Variants in NUP210L observed in about 807,000 individuals in gnomAD.
NUP210L encodes the protein nucleoporin 210 like, also known as nuclear pore membrane glycoprotein 210-like.
Under a neutral mutation model 208.5 loss-of-function variants are expected in NUP210L, and 74 were observed. That is an observed-to-expected ratio of 0.35 (90% CI 0.29 to 0.43). The LOEUF (loss-of-function observed/expected upper bound fraction) is 0.43. Ranked by LOEUF, NUP210L falls within the 20% of genes least tolerant of loss-of-function variation. The probability of loss-of-function intolerance (pLI) is 1.00; values close to 1 mark genes in which losing one functional copy is unlikely to be tolerated. For missense variants in NUP210L, 1,843 were observed against 2,289.4 expected, an observed-to-expected ratio of 0.81 and a Z score of 3.98; for synonymous variants, 780 against 816.9, an observed-to-expected ratio of 0.95 and a Z score of 0.77.
At chr1:154,087,786 A>G (rs1434021994) in intron 16 of NUP210L, among the ~76,000 whole-genome samples, 1 of 152,228 alleles carries the variant, frequency 6.6e-6, no homozygotes, top group Non-Finnish European at 1.5e-5. Context: ...ACAGGCTACC[A>G]TATCAATGAA....
chr1:154,046,130 A>G (rs1653162268), exon 27 of NUP210L: 1 of 1,614,040 alleles, frequency 6.2e-7, no homozygotes, highest in African/African-American at 1.3e-5. Context: ...GTGGAATGTG[A>G]GCCCAGGATT....
intron 6 of NUP210L, among the ~76,000 whole-genome samples, chr1:154,136,593 C>T (rs1163920691): frequency 6.6e-6 from 1 of 151,830 alleles, no homozygotes; most frequent in East Asian, 1.9e-4. Flanking sequence ...AAAAGATTAA[C>T]GTTAATGGAG....
At chr1:154,137,854 C>A (rs991799627) in intron 6 of NUP210L, among the ~76,000 whole-genome samples, 1 of 152,194 alleles carries the variant, frequency 6.6e-6, no homozygotes, top group African/African-American at 2.4e-5. Flanking sequence ...AGCCACCATG[C>A]CTGGCTAGTT....
At chr1:154,094,941 C>G (rs1397262475) in exon 15 of NUP210L, 1 of 1,612,752 alleles carries the variant, frequency 6.2e-7, no homozygotes, top group Non-Finnish European at 8.5e-7. Context: ...CTACTTGTTC[C>G]CCTAAATCCA....
chr1:153,992,703 C>G (rs891151682), exon 40 of NUP210L: 3 of 683,824 alleles, frequency 4.4e-6, no homozygotes, highest in Non-Finnish European at 7.6e-6. Flanking sequence ...TAAGAAACAG[C>G]TTAGGATGCT....
At chr1:154,054,346 G>A in exon 25 of NUP210L, 2 of 1,614,168 alleles carry the variant, frequency 1.2e-6, no homozygotes, top group Non-Finnish European at 1.7e-6. Context: ...AACAGCCACG[G>A]TCTGATTACT....
At chr1:154,076,082 C>G (rs1252505942) in intron 16 of NUP210L, among the ~76,000 whole-genome samples, 1 of 151,104 alleles carries the variant, frequency 6.6e-6, no homozygotes. Flanking sequence ...AGCCACCATG[C>G]CTGGGCCAGA....
intron 22 of NUP210L, among the ~76,000 whole-genome samples, chr1:154,057,675 A>T (rs1653937324): frequency 6.8e-6 from 1 of 147,190 alleles, no homozygotes; most frequent in Non-Finnish European, 1.5e-5. Flanking sequence ...CAAACAAGGC[A>T]TCTGAGGACC....
chr1:154,013,618 C>G (rs1212478097), intron 33 of NUP210L, among the ~76,000 whole-genome samples: 1 of 151,472 alleles, frequency 6.6e-6, no homozygotes, highest in Non-Finnish European at 1.5e-5. Flanking sequence ...AAAAAACACA[C>G]AAAAAAAACA....
At chr1:154,055,133 TTCTTTC>T (rs1397135362) in intron 23 of NUP210L, among the ~76,000 whole-genome samples, 2 of 68,628 alleles carry the variant, frequency 2.9e-5, no homozygotes, top group African/African-American at 1.5e-4. Flanking sequence ...TTTTCTTTCT[TTCTTTC>T]TTTCTTTCTT....
In NUP210L at chr1:154,141,534, A is replaced by G; in HGVS notation, c.473-10T>C. ...CTACTAAAAGTATTTCCTGTAGAGC[A>G]AGCCAAAAGCAGACAAGATAGGATC... On this transcript the variant is annotated splice_polypyrimidine_tract_variant and intron_variant, in intron 3 of 39. Transcript: ENST00000368559. 6.5e-7 allele frequency: 1 copy of G among 1,535,346 alleles called. No individual in the cohort carries two copies. The highest frequency in any genetic ancestry group is 9.0e-7 in the Non-Finnish European group (1 of 1,108,066).
intron 15 of NUP210L, among the ~76,000 whole-genome samples, chr1:154,091,796 C>T (rs1002579710): frequency 2.6e-5 from 4 of 151,216 alleles, no homozygotes; most frequent in African/African-American, 4.8e-5. Flanking sequence ...CCACTGCGCC[C>T]GGCCACAAAA....
At chr1:154,045,091 TTTAA>T (rs1202758948) in intron 27 of NUP210L, among the ~76,000 whole-genome samples, 3 of 152,058 alleles carry the variant, frequency 2.0e-5, no homozygotes, top group Non-Finnish European at 4.4e-5. Flanking sequence ...GGAGGGGCAG[TTTAA>T]TTAATCACTG....
chr1:154,149,322 G>A (rs1359072740), intron 2 of NUP210L, among the ~76,000 whole-genome samples: 2 of 152,082 alleles, frequency 1.3e-5, no homozygotes, highest in Admixed American at 1.3e-4. Context: ...CTGACCTCAG[G>A]TGATCCACCC....
intron 14 of NUP210L, among the ~76,000 whole-genome samples, chr1:154,097,120 A>G (rs927547382): frequency 6.6e-6 from 1 of 152,180 alleles, no homozygotes; most frequent in Non-Finnish European, 1.5e-5. Context: ...GAAAAAATAA[A>G]CACAGAGGTC....
chr1:154,074,711 C>T (rs1654947027), intron 16 of NUP210L, among the ~76,000 whole-genome samples: 8 of 152,100 alleles, frequency 5.3e-5, no homozygotes, highest in Non-Finnish European at 1.5e-5. Flanking sequence ...AGGCTGGTCT[C>T]GAATCCTGAC....
At chr1:154,055,168 T>TTTC (rs1272103269) in intron 23 of NUP210L, among the ~76,000 whole-genome samples, 23 of 128,888 alleles carry the variant, frequency 1.8e-4, no homozygotes, top group Admixed American at 8.1e-4. Flanking sequence ...TCTTTCTTTC[T>TTTC]TTCTTTCTTT....
Position 154,117,629 on chromosome 1 carries a change from A to G in NUP210L, c.1620+96T>C, listed in dbSNP as rs1431655970. 5.4e-6 allele frequency: 5 copies of G among 919,182 alleles called. No individual in the cohort carries two copies. The Admixed American group carries it at 1.3e-4, about 24-fold the overall frequency. 56.9% of individuals were successfully genotyped at this position (919,182 alleles called of 1,614,324 possible). A position where few individuals can be genotyped will look rare whatever the true frequency, so the allele number is the denominator to read the frequency against. Reference sequence around the variant, plus strand: ...GACTGAATGTGAGTAATATTTTTAAATAGCCATGTTGGGCTCTTTTTTTAA... The same window carrying G: ...GACTGAATGTGAGTAATATTTTTAAGTAGCCATGTTGGGCTCTTTTTTTAA... On this transcript the variant is annotated intron_variant, in intron 12 of 39. Coordinates refer to ENST00000368559, the Ensembl canonical transcript of NUP210L.
chr1:154,100,157 AC>A lies in NUP210L; in HGVS notation c.1820-15del. 6.2e-7 allele frequency: 1 copy of A among 1,613,422 alleles called. No individual in the cohort carries two copies. The highest frequency in any genetic ancestry group is 8.5e-7 in the Non-Finnish European group (1 of 1,179,520). On this transcript the variant is annotated splice_polypyrimidine_tract_variant and intron_variant, in intron 13 of 39. Transcript: ENST00000368559. ...GTCTTTGAATACCTGTGAATCAAAA[AC>A]CATGATTTTGGCAGGGCGTGGTGGC...
Sources: allele counts gnomAD v4.1 joint callset (sites outside exome capture counted in the v4.1 genomes callset), GRCh38; gene constraint gnomAD v4.1.1; transcripts MANE v1.5; gene names NCBI Gene and HGNC (gene_info 2026-07-23, HGNC 2026-07-21).